TANGO2: variants seen among roughly 807,000 people sequenced by gnomAD.
The protein encoded by TANGO2 is transport and Golgi organization protein 2 homolog.
In TANGO2, 26 loss-of-function variants were observed where a neutral mutation model predicts 39.1. The ratio of observed to expected loss-of-function variants is 0.67; its 90% CI spans 0.49 to 0.92. TANGO2 has a LOEUF of 0.92. TANGO2 is among the 40% of genes least tolerant of loss of function. The probability of loss-of-function intolerance (pLI) is 0.00; values close to 1 mark genes in which losing one functional copy is unlikely to be tolerated. For synonymous variants in TANGO2, 131 were observed against 144.5 expected (o/e 0.91, Z 0.67); for missense variants, 326 against 360.1 (o/e 0.91, Z 0.77).
intron 3 of TANGO2, among the ~76,000 whole-genome samples, chr22:20,047,799 T>G (rs1209462841): frequency 6.6e-6 from 1 of 152,202 alleles, no homozygotes; most frequent in Non-Finnish European, 1.5e-5. Flanking sequence ...AATCTCATCT[T>G]GAATTATAGT....
chr22:20,047,751 A>G (rs1042939453), intron 3 of TANGO2, among the ~76,000 whole-genome samples: 1 of 151,950 alleles, frequency 6.6e-6, no homozygotes, highest in Non-Finnish European at 1.5e-5. Flanking sequence ...CCTTTTTTGT[A>G]AAACCCATTT....
chr22:20,019,027 T>C (rs5748502), upstream of TANGO2, among the ~76,000 whole-genome samples: 60,393 of 151,580 alleles, frequency 0.4, 12,504 homozygotes, highest in African/African-American at 0.53. Flanking sequence ...GAGGTTGCAG[T>C]GAGCTGAAAT....
chr22:20,041,897 A>G (rs2044018664), intron 2 of TANGO2, among the ~76,000 whole-genome samples: 1 of 152,214 alleles, frequency 6.6e-6, no homozygotes, highest in South Asian at 2.1e-4. Context: ...ACTTGGTTTC[A>G]GACTCAGATT....
chr22:20,043,385 C>G lies in TANGO2; in HGVS notation c.87C>G (p.Phe29Leu), dbSNP rs372221548. Residue 29 changes from phenylalanine (F) to leucine (L), a missense_variant, in exon 3 of 9, where the codon TTC becomes TTG. Coordinates refer to ENST00000327374, the MANE Select transcript of TANGO2 (RefSeq NM_152906.7). Reference sequence around the variant, plus strand: ...TCTTGGCAGCCAACAGGGATGAATTCTACAGCCGACCCTCCAAGTTAGCTG... The same window carrying G: ...TCTTGGCAGCCAACAGGGATGAATTGTACAGCCGACCCTCCAAGTTAGCTG... ...RLILAANRDE[F>L]YSRPSKLADF... 3.7e-6 allele frequency: 6 copies of G among 1,613,546 alleles called. No individual in the cohort carries two copies. In the African/African-American group the frequency reaches 8.0e-5, roughly 22 times the overall value.
chr22:20,017,530 T>A (rs1945280520), upstream of TANGO2, among the ~76,000 whole-genome samples: 1 of 152,124 alleles, frequency 6.6e-6, no homozygotes, highest in Non-Finnish European at 1.5e-5. Context: ...CTTGGGCTTG[T>A]CCCACCCTGC....
intron 7 of TANGO2, among the ~76,000 whole-genome samples, chr22:20,062,257 C>G (rs2048521015): frequency 1.3e-5 from 2 of 152,194 alleles, no homozygotes; most frequent in Admixed American, 1.3e-4. Context: ...TTCGTTGCCC[C>G]AGCCGGGGGT....
rs997371726 is a variant in TANGO2 at position 20,066,726 on chromosome 22, C to G, written c.*2064C>G. Among the ~76,000 whole-genome samples the G allele has an allele frequency of 2.6e-5, 4 of 152,206 alleles. No individual in the cohort carries two copies. Among genetic ancestry groups the G allele is most frequent in the Non-Finnish European group, 4.4e-5 (3 of 68,020 alleles). Reference sequence around the variant, plus strand: ...GCACTGCCCTTGCTGCCAACACATTCACCTGCCCCAGTGGCTACCATGTCC... The same window carrying G: ...GCACTGCCCTTGCTGCCAACACATTGACCTGCCCCAGTGGCTACCATGTCC... On this transcript the variant is annotated 3_prime_UTR_variant, in exon 9 of 9. Transcript: ENST00000327374.
chr22:20,048,708 G>A lies in TANGO2; in HGVS notation c.146-3757G>A, dbSNP rs140727690. Among the ~76,000 whole-genome samples the A allele has an allele frequency of 6.0e-3, 906 of 151,942 alleles. 10 individuals carry two copies. The highest frequency in any genetic ancestry group is 0.02 in the African/African-American group (835 of 41,398). On this transcript the variant is annotated intron_variant, in intron 3 of 8. Coordinates refer to ENST00000327374, the MANE Select transcript of TANGO2 (RefSeq NM_152906.7). ...TGTTGCCAGGCTGGAGTACAGTGGT[G>A]CGATCTCAGCTCACTGCAACCTCCG...
At chr22:20,063,930 C>T (rs565291798) in intron 8 of TANGO2, among the ~76,000 whole-genome samples, 17 of 152,382 alleles carry the variant, frequency 1.1e-4, no homozygotes, top group Non-Finnish European at 1.6e-4. Context: ...CGCTGGGTCC[C>T]ACCCCACGGG....
intron 1 of TANGO2, among the ~76,000 whole-genome samples, chr22:20,021,559 C>T (rs954938646): frequency 5.3e-5 from 8 of 152,196 alleles, no homozygotes; most frequent in African/African-American, 1.9e-4. Context: ...ACTCTGCCCC[C>T]TACCCGCGGC....
intron 6 of TANGO2, chr22:20,056,677 C>T (rs1193305310): frequency 4.4e-6 from 2 of 456,594 alleles, no homozygotes; most frequent in Non-Finnish European, 8.8e-6. Context: ...CCCTCTGCAG[C>T]CATGTTCTGG....
rs542876572 is a variant in TANGO2 at position 20,021,980 on chromosome 22, C to A, written c.-40+734C>A. ...GTCACATGCCCTGCCCTGGCCAGGCCTGTTTGCACTGTCGTGTGGCTCTAG... is the reference window on the plus strand; with the variant it reads ...GTCACATGCCCTGCCCTGGCCAGGCATGTTTGCACTGTCGTGTGGCTCTAG... On this transcript the variant is annotated intron_variant, in intron 1 of 8. Coordinates refer to ENST00000327374, the MANE Select transcript of TANGO2 (RefSeq NM_152906.7). 2.0e-5 allele frequency among the ~76,000 whole-genome samples: 3 copies of A among 152,374 alleles called. No individual in the cohort carries two copies. The East Asian group carries it at 5.8e-4, about 29-fold the overall frequency.
At chr22:20,037,028 C>T (rs1280728371) in intron 2 of TANGO2, 174 bp downstream of exon 2, 3 of 1,563,422 alleles carry the variant, frequency 1.9e-6, no homozygotes, top group East Asian at 2.2e-5. Flanking sequence ...GTCAGAATGC[C>T]TCTCGGGGCG....
upstream of TANGO2, among the ~76,000 whole-genome samples, chr22:20,018,199 G>T (rs925451289): frequency 2.6e-5 from 4 of 152,252 alleles, no homozygotes; most frequent in African/African-American, 7.2e-5. Context: ...TCAGAGCCAG[G>T]CAGCTACTAT....
intron 3 of TANGO2, among the ~76,000 whole-genome samples, chr22:20,046,898 A>C (rs1034200729): frequency 3.3e-5 from 5 of 152,110 alleles, no homozygotes; most frequent in Admixed American, 6.6e-5. Flanking sequence ...TGGGTAATTT[A>C]TAAAGAAAAG....
chr22:20,021,030 G>A (rs558079293), upstream of TANGO2: 1 of 151,888 alleles, frequency 6.6e-6, no homozygotes, highest in African/African-American at 2.4e-5. Flanking sequence ...GCCCCTCGCT[G>A]CGCGGCCCAA....
chr22:20,029,276 T>C (rs1021001514), intron 1 of TANGO2, among the ~76,000 whole-genome samples: 1 of 152,058 alleles, frequency 6.6e-6, no homozygotes, highest in South Asian at 2.1e-4. Flanking sequence ...GCGGGGTGGC[T>C]CTCAGAAGCA....
intron 6 of TANGO2, chr22:20,056,624 C>T (rs1281602552): frequency 2.2e-6 from 1 of 456,596 alleles, no homozygotes; most frequent in Non-Finnish European, 4.4e-6. Flanking sequence ...TGGAAGCTTC[C>T]TCTGCCAGTG....
chr22:20,024,791 C>T (rs1177167122), intron 1 of TANGO2, among the ~76,000 whole-genome samples: 1 of 152,204 alleles, frequency 6.6e-6, no homozygotes, highest in Non-Finnish European at 1.5e-5. Context: ...CTATGCTTGC[C>T]TTTTCGCTTG....
Sources: allele counts gnomAD v4.1 joint callset (sites outside exome capture counted in the v4.1 genomes callset), GRCh38; gene constraint gnomAD v4.1.1; transcripts MANE v1.5; gene names NCBI Gene and HGNC (gene_info 2026-07-23, HGNC 2026-07-21).